The following SPOP variants were observed in gnomAD, a reference collection of about 807,000 sequenced individuals.
SPOP encodes the protein speckle-type POZ protein.
Under a neutral mutation model 45.6 loss-of-function variants are expected in SPOP, and 11 were observed. The observed-to-expected ratio is 0.24, with a 90% CI of 0.15 to 0.40. The LOEUF (loss-of-function observed/expected upper bound fraction) is 0.40, where lower values mean the gene tolerates loss of function less well. SPOP is among the 10% of genes least tolerant of loss of function. SPOP has a pLI of 1.00. For missense variants in SPOP, 152 were observed against 465.6 expected, an observed-to-expected ratio of 0.33 and a Z score of 6.20; for synonymous variants, 166 against 166.3, an observed-to-expected ratio of 1.00 and a Z score of 0.01.
rs1061431 is a variant in SPOP, at chr17:49,599,620, G to A, written c.*758C>T. 0.065 allele frequency: 13,883 copies of A among 212,352 alleles called. 641 individuals carry two copies. Among genetic ancestry groups the A allele is most frequent in the East Asian group, 0.17 (2,326 of 14,080 alleles). 13.2% of individuals were successfully genotyped at this position (212,352 alleles called of 1,614,324 possible). A position where few individuals can be genotyped will look rare whatever the true frequency, so the allele number is the denominator to read the frequency against. ...CTAAAAACAGAGAACCATAGTTCTT[G>A]TCAAGACAATATGAATTCTGGATGA... is the stretch of plus-strand genomic sequence containing the variant. On this transcript the variant is annotated 3_prime_UTR_variant, in exon 10 of 10. Transcript: ENST00000504102.
intron 1 of SPOP, among the ~76,000 whole-genome samples, chr17:49,626,644 G>T (rs1042715181): frequency 6.6e-6 from 1 of 151,814 alleles, no homozygotes; most frequent in Non-Finnish European, 1.5e-5. Flanking sequence ...AGGTTGCAGT[G>T]AGCCAAGATG....
At chr17:49,625,513 C>T (rs535007817) in intron 1 of SPOP, among the ~76,000 whole-genome samples, 2 of 152,214 alleles carry the variant, frequency 1.3e-5, no homozygotes, top group African/African-American at 2.4e-5. Context: ...GAGGCTGAGG[C>T]AGGAGAATCG....
intron 1 of SPOP, among the ~76,000 whole-genome samples, chr17:49,645,323 G>A (rs190830856): frequency 2.1e-3 from 313 of 149,642 alleles, no homozygotes; most frequent in African/African-American, 6.8e-3. Context: ...TTTTTGAGAC[G>A]GGGTCTCCTT....
At chr17:49,666,738 G>T (rs1287460831) in intron 1 of SPOP, among the ~76,000 whole-genome samples, 1 of 152,186 alleles carries the variant, frequency 6.6e-6, no homozygotes, top group Non-Finnish European at 1.5e-5. Flanking sequence ...TGAGGCAGGA[G>T]AATCACTTGA....
rs755797462 is a variant in SPOP, at chr17:49,601,835, G to GA, written c.980+29dup. ...ATTTCTTCAGCTATCCAACTATTTTGAAAGAAGAACTTTGAAGATGCCAAC... is the reference window on the plus strand; with the variant it reads ...ATTTCTTCAGCTATCCAACTATTTTGAAAAGAAGAACTTTGAAGATGCCAAC... On this transcript the variant is annotated intron_variant, in intron 9 of 9. Coordinates refer to ENST00000504102, the MANE Select transcript of SPOP (RefSeq NM_001007228.2). 3 of 1,610,034 alleles carry GA rather than the reference G, an allele frequency of 1.9e-6. No individual in the cohort carries two copies. The East Asian group carries it at 6.7e-5, about 36-fold the overall frequency.
intron 1 of SPOP, among the ~76,000 whole-genome samples, chr17:49,624,860 C>T (rs1328587409): frequency 6.7e-6 from 1 of 148,866 alleles, no homozygotes; most frequent in African/African-American, 2.5e-5. Flanking sequence ...AAAAAAAAAG[C>T]TTGTAACACA....
intron 8 of SPOP, 147 bp from the exon 9 acceptor site, chr17:49,602,154 A>T (rs2071751840): frequency 6.0e-6 from 5 of 832,960 alleles, no homozygotes; most frequent in Non-Finnish European, 8.8e-6. Flanking sequence ...CTGCAATGAT[A>T]AAACATAACC....
At chr17:49,628,369 C>T (rs1000559135) in intron 1 of SPOP, among the ~76,000 whole-genome samples, 8 of 152,114 alleles carry the variant, frequency 5.3e-5, no homozygotes, top group Admixed American at 2.0e-4. Flanking sequence ...GCTTAATTTC[C>T]AACGAAGGTA....
intron 1 of SPOP, among the ~76,000 whole-genome samples, chr17:49,657,460 G>T (rs138316567): frequency 2.0e-5 from 3 of 151,960 alleles, no homozygotes; most frequent in African/African-American, 7.2e-5. Flanking sequence ...GTACAATGGC[G>T]TGATCTCGGC....
At chr17:49,660,791 C>T (rs905396199) in intron 1 of SPOP, among the ~76,000 whole-genome samples, 6 of 152,214 alleles carry the variant, frequency 3.9e-5, no homozygotes, top group South Asian at 2.1e-4. Context: ...GGTGAAACCC[C>T]AGCTCTAATA....
intron 1 of SPOP, among the ~76,000 whole-genome samples, chr17:49,630,174 T>C (rs1392830234): frequency 6.6e-6 from 1 of 152,354 alleles, no homozygotes; most frequent in East Asian, 1.9e-4. Context: ...GCCAAAAAGA[T>C]TGACGACAAT....
intron 1 of SPOP, among the ~76,000 whole-genome samples, chr17:49,627,668 T>C (rs1377646500): frequency 1.3e-5 from 2 of 152,354 alleles, no homozygotes; most frequent in Admixed American, 1.3e-4. Flanking sequence ...GGCCAAATTT[T>C]AATAACTGGT....
At chr17:49,630,002 T>A (rs1366008226) in intron 1 of SPOP, among the ~76,000 whole-genome samples, 1 of 152,166 alleles carries the variant, frequency 6.6e-6, no homozygotes, top group African/African-American at 2.4e-5. Flanking sequence ...ACAAGCTAGA[T>A]GGCTGGGAAC....
At chr17:49,648,094 G>A (rs2072788498) in intron 1 of SPOP, among the ~76,000 whole-genome samples, 1 of 152,152 alleles carries the variant, frequency 6.6e-6, no homozygotes, top group African/African-American at 2.4e-5. Flanking sequence ...CCTGTCAGCT[G>A]TCCTGCTTCT....
chr17:49,663,880 C>G (rs531169604), intron 1 of SPOP, among the ~76,000 whole-genome samples: 12 of 152,324 alleles, frequency 7.9e-5, no homozygotes, highest in Admixed American at 2.0e-4. Flanking sequence ...TCTGGAAAAT[C>G]TGTAGCTACT....
At chr17:49,672,716 G>A (rs1390147757) in intron 1 of SPOP, among the ~76,000 whole-genome samples, 1 of 152,114 alleles carries the variant, frequency 6.6e-6, no homozygotes, top group Non-Finnish European at 1.5e-5. Context: ...GGAGGCCGAC[G>A]CAGGCCAATC....
chr17:49,654,495 GTTTCTTTTTTCCTTTC>G (rs1294813530), intron 1 of SPOP, among the ~76,000 whole-genome samples: 1 of 152,180 alleles, frequency 6.6e-6, no homozygotes, highest in East Asian at 1.9e-4. Flanking sequence ...AATTATGTTA[GTTTCTTTTTTCCTTTC>G]TTTCTTTTTT....
chr17:49,600,297 C>A lies in SPOP; in HGVS notation c.*81G>T, dbSNP rs562382565. ...AACAGAGTAAAAGCTCCACAGATTGCGCTGTCTACCTGGTGGTCAGTGGCA... is the reference window on the plus strand; with the variant it reads ...AACAGAGTAAAAGCTCCACAGATTGAGCTGTCTACCTGGTGGTCAGTGGCA... On this transcript the variant is annotated 3_prime_UTR_variant, in exon 10 of 10. Transcript: ENST00000504102. This position sits in a 1 kb window ranked among gnomAD's most constrained non-coding sequence, Gnocchi z 4.2. 1 of 1,566,954 alleles carries A rather than the reference C, an allele frequency of 6.4e-7. No individual in the cohort carries two copies. Among genetic ancestry groups the A allele is most frequent in the Admixed American group, 1.7e-5 (1 of 59,312 alleles).
chr17:49,602,105 A>G, intron 8 of SPOP, 98 bp from the exon 9 acceptor site: 4 of 1,382,620 alleles, frequency 2.9e-6, no homozygotes, highest in Non-Finnish European at 4.0e-6. Flanking sequence ...TATTAACTAG[A>G]TACTTGAATA....
Sources: allele counts gnomAD v4.1 joint callset (sites outside exome capture counted in the v4.1 genomes callset), GRCh38; gene constraint gnomAD v4.1.1; non-coding constraint Gnocchi (gnomAD v3.1); transcripts MANE v1.5; gene names NCBI Gene and HGNC (gene_info 2026-07-23, HGNC 2026-07-21).